Variants in WDR59 observed in about 807,000 individuals in gnomAD.
The protein encoded by WDR59 is GATOR2 complex protein WDR59.
A neutral mutation model predicts 131.2 loss-of-function variants in WDR59; 100 were observed. The observed-to-expected ratio is 0.76, with a 90% CI of 0.65 to 0.90. The LOEUF (loss-of-function observed/expected upper bound fraction) is 0.90. WDR59 is among the 40% of genes least tolerant of loss of function. The pLI is 0.00. For synonymous variants in WDR59, 601 were observed against 466.2 expected, an observed-to-expected ratio of 1.29 and a Z score of -3.72; for missense variants, 1,203 against 1,262.2, an observed-to-expected ratio of 0.95 and a Z score of 0.71.
chr16:74,972,606 GGT>G (rs1405079421), intron 1 of WDR59, among the ~76,000 whole-genome samples: 10 of 151,658 alleles, frequency 6.6e-5, no homozygotes, highest in Non-Finnish European at 1.2e-4. Context: ...GGCCAAGGTG[GGT>G]GGATCATTTC....
rs747213089 is a variant in WDR59 at position 74,902,918 on chromosome 16, GA to G, written c.1866+1028del. 5.6e-3 allele frequency among the ~76,000 whole-genome samples: 769 copies of G among 137,742 alleles called. 2 individuals carry two copies. Among genetic ancestry groups the G allele is most frequent in the African/African-American group, 0.015 (578 of 37,674 alleles). 90.4% of individuals were successfully genotyped at this position (137,742 alleles called of 152,430 possible). A position where few individuals can be genotyped will look rare whatever the true frequency, so the allele number is the denominator to read the frequency against. ...GAAGGGGACTATAGGAAAGTGTCCA[GA>G]AAAAAAAAAAAAATCATTTTCCCTA... On this transcript the variant is annotated intron_variant, in intron 18 of 25. Coordinates refer to ENST00000262144, the MANE Select transcript of WDR59 (RefSeq NM_030581.4).
chr16:74,950,527 T>C (rs1225932926), intron 4 of WDR59, among the ~76,000 whole-genome samples: 1 of 152,152 alleles, frequency 6.6e-6, no homozygotes, highest in Non-Finnish European at 1.5e-5. Context: ...GCCTGTGGTG[T>C]CCCCTACCCA....
At chr16:74,951,304 C>T (rs2032986259) in intron 4 of WDR59, among the ~76,000 whole-genome samples, 154 bp downstream of exon 4, 2 of 152,122 alleles carry the variant, frequency 1.3e-5, no homozygotes, top group South Asian at 2.1e-4. Context: ...TGCTCTTCAC[C>T]ACCATCTCAG....
chr16:74,921,922 T>C (rs1275185783), intron 10 of WDR59, 25 bp downstream of exon 10: 1 of 1,608,982 alleles, frequency 6.2e-7, no homozygotes, highest in South Asian at 1.1e-5. Context: ...AGAAGGAAAG[T>C]GGGCAGCAGG....
In WDR59 at chr16:74,948,520, A is replaced by G; in HGVS notation, c.444T>C (p.Val148=). 1.2e-6 allele frequency: 2 copies of G among 1,613,918 alleles called. No homozygotes were observed. Among genetic ancestry groups the G allele is most frequent in the South Asian group, 2.2e-5 (2 of 91,080 alleles). The change falls in exon 6 of 26, where the codon GTT becomes GTC. Residue 148 remains valine, a splice_region_variant and synonymous_variant. Transcript: ENST00000262144. ...TRKPTVALSA[V]AGASQVKWNK... ...GAGGTGGGAGAAGCATACACTCACC[A>G]ACAGCAGACAGTGCAACAGTAGGTT...
intron 8 of WDR59, among the ~76,000 whole-genome samples, chr16:74,932,134 C>A (rs952624512): frequency 6.6e-6 from 1 of 151,166 alleles, no homozygotes; most frequent in African/African-American, 2.4e-5. Context: ...CTCACTCTTA[C>A]CTAAACTGGA....
chr16:74,933,319 A>T (rs1413264825), intron 8 of WDR59, among the ~76,000 whole-genome samples: 1 of 151,976 alleles, frequency 6.6e-6, no homozygotes, highest in Non-Finnish European at 1.5e-5. Flanking sequence ...GAAAAATCAC[A>T]CCTAAAATGT....
chr16:74,955,566 AGC>A (rs1411547229), intron 3 of WDR59, among the ~76,000 whole-genome samples: 1 of 152,170 alleles, frequency 6.6e-6, no homozygotes, highest in Admixed American at 6.6e-5. Context: ...CCTGAAAATC[AGC>A]GCAACCTCGG....
intron 25 of WDR59, among the ~76,000 whole-genome samples, chr16:74,883,729 GTT>G (rs1964627960): frequency 6.6e-6 from 1 of 151,960 alleles, no homozygotes. Context: ...CCAGGTATTG[GTT>G]TCTCTCAAGG....
intron 25 of WDR59, 26 bp downstream of exon 25, chr16:74,885,627 A>T (rs1964716665): frequency 6.2e-7 from 1 of 1,611,606 alleles, no homozygotes; most frequent in East Asian, 2.2e-5. Context: ...AGACAGTGAA[A>T]GGAAGAGAGA....
chr16:74,982,531 G>C (rs1368156913), intron 1 of WDR59, among the ~76,000 whole-genome samples: 1 of 152,148 alleles, frequency 6.6e-6, no homozygotes. Context: ...AACAGGCAGG[G>C]GTGAGACTAC....
At position 74,887,595 on chromosome 16, in the gene WDR59, T is replaced by C. The variant is rs143321761; in HGVS notation, c.2419+88A>G. On this transcript the variant is annotated intron_variant, in intron 23 of 25. Coordinates refer to ENST00000262144, the MANE Select transcript of WDR59 (RefSeq NM_030581.4). The stretch of plus-strand genomic sequence containing the variant: ...GAGAAATAAGAAATAAGAAAAAATA[T>C]GGAGACTAAGCATCAACTAAAGGTT... 1.2e-4 allele frequency: 148 copies of C among 1,221,668 alleles called. 1 individual carries two copies. The highest frequency in any genetic ancestry group is 1.7e-4 in the Non-Finnish European group (142 of 853,986). 75.7% of individuals were successfully genotyped at this position (1,221,668 alleles called of 1,614,324 possible).
chr16:74,902,658 G>C (rs976988682), intron 18 of WDR59, among the ~76,000 whole-genome samples: 1 of 152,070 alleles, frequency 6.6e-6, no homozygotes, highest in African/African-American at 2.4e-5. Context: ...TCCTTGACCT[G>C]GCCCTGACAC....
intron 1 of WDR59, 67 bp from the exon 2 acceptor site, chr16:74,965,889 T>C (rs946405112): frequency 2.5e-5 from 39 of 1,563,440 alleles, no homozygotes; most frequent in Admixed American, 8.4e-5. Flanking sequence ...CAGAGGTCTC[T>C]GTGGCTCTTC....
intron 25 of WDR59, among the ~76,000 whole-genome samples, chr16:74,885,125 G>C (rs553812760): frequency 5.4e-4 from 82 of 152,300 alleles, no homozygotes; most frequent in African/African-American, 1.9e-3. Context: ...ATCCGCGCTG[G>C]AGTACTGTAT....
chr16:74,897,668 G>C (rs995631133), intron 18 of WDR59, among the ~76,000 whole-genome samples: 3 of 152,120 alleles, frequency 2.0e-5, no homozygotes, highest in Non-Finnish European at 4.4e-5. Flanking sequence ...CCCAACAAAG[G>C]ATCACCCTAA....
At chr16:74,921,734 A>C (rs536259331) in intron 10 of WDR59, among the ~76,000 whole-genome samples, 1 of 151,732 alleles carries the variant, frequency 6.6e-6, no homozygotes, top group East Asian at 2.0e-4. Context: ...CTACGCTGAC[A>C]ATTGTGGAAG....
At chr16:74,965,919 A>G (rs2033756690) in intron 1 of WDR59, 97 bp from the exon 2 acceptor site, 7 of 1,320,082 alleles carry the variant, frequency 5.3e-6, no homozygotes, top group Admixed American at 5.3e-5. Context: ...TCTCCCAAGA[A>G]GTCCCCAGCT....
At chr16:74,958,617 A>AAAAAAAAC (rs2033417550) in intron 2 of WDR59, among the ~76,000 whole-genome samples, 1 of 144,228 alleles carries the variant, frequency 6.9e-6, no homozygotes, top group South Asian at 2.2e-4. Context: ...AAAAAAAAAA[A>AAAAAAAAC]AAACAAGCTA....
Sources: gnomAD v4.1 joint callset for allele counts (sites outside exome capture counted in the v4.1 genomes callset) on GRCh38, gnomAD v4.1.1 for gene constraint, MANE v1.5 for transcripts, NCBI Gene and HGNC (gene_info 2026-07-23, HGNC 2026-07-21) for gene names.